Variants in GPD2 observed in about 807,000 individuals in gnomAD.
GPD2 encodes glycerol-3-phosphate dehydrogenase 2.
A neutral mutation model predicts 82.4 loss-of-function variants in GPD2; 54 were observed. The observed-to-expected ratio is 0.66, with a 90% CI of 0.53 to 0.82. GPD2 has a LOEUF of 0.82. Among genes scored for constraint, GPD2 ranks in the 40% least tolerant of loss-of-function variants. GPD2 has a pLI of 0.00. For synonymous variants in GPD2, 288 were observed against 306.1 expected (o/e 0.94, Z 0.62); for missense variants, 748 against 896.2 (o/e 0.83, Z 2.11).
chr2:156,495,085 C>T (rs1406174764), intron 2 of GPD2, among the ~76,000 whole-genome samples: 4 of 152,132 alleles, frequency 2.6e-5, no homozygotes, highest in African/African-American at 9.7e-5. Flanking sequence ...TGGCTCATGC[C>T]TGTAATCTCA....
chr2:156,493,312 G>T (rs1573926877), intron 2 of GPD2, among the ~76,000 whole-genome samples: 1 of 152,110 alleles, frequency 6.6e-6, no homozygotes, highest in Non-Finnish European at 1.5e-5. Flanking sequence ...GTAGTGGTTG[G>T]ATGTATGTGA....
intron 16 of GPD2, among the ~76,000 whole-genome samples, chr2:156,581,039 T>C (rs1688007239): frequency 1.3e-5 from 2 of 152,168 alleles, no homozygotes; most frequent in Admixed American, 6.6e-5. Flanking sequence ...ACATGGCACT[T>C]TAGAAACAAT....
At position 156,570,255 on chromosome 2, in the gene GPD2, A is replaced by G. The variant is rs528264496; in HGVS notation, c.1608+37A>G. Reference sequence around the variant, plus strand: ...GTCACATAGGAATTTCATGTCTGCCATGGGATACCATTTATCTGTTCATTT... The same window carrying G: ...GTCACATAGGAATTTCATGTCTGCCGTGGGATACCATTTATCTGTTCATTT... On this transcript the variant is annotated intron_variant, in intron 12 of 16. Transcript: ENST00000438166. 5.1e-6 allele frequency: 8 copies of G among 1,577,324 alleles called. No individual in the cohort carries two copies. In the South Asian group the frequency reaches 8.9e-5, roughly 17 times the overall value.
the GPD2 span, among the ~76,000 whole-genome samples, chr2:156,409,810 C>A: frequency 1.5e-4 from 23 of 152,102 alleles, no homozygotes; most frequent in Non-Finnish European, 3.1e-4. Flanking sequence ...CATCCTGGAC[C>A]AGGTATGGTG....
At chr2:156,411,740 T>C in the GPD2 span, among the ~76,000 whole-genome samples, 2 of 152,298 alleles carry the variant, frequency 1.3e-5, no homozygotes, top group African/African-American at 4.8e-5. Flanking sequence ...ACCTTAAGGG[T>C]CTTTAAACCT....
chr2:156,443,414 C>T (rs941838942), intron 1 of GPD2, among the ~76,000 whole-genome samples: 3 of 152,054 alleles, frequency 2.0e-5, no homozygotes, highest in African/African-American at 7.2e-5. Context: ...TAATGGTTGC[C>T]CCATAATTCA....
the GPD2 span, among the ~76,000 whole-genome samples, chr2:156,404,721 G>T: frequency 6.8e-6 from 1 of 147,500 alleles, no homozygotes; most frequent in South Asian, 2.2e-4. Flanking sequence ...GCTGGGCATG[G>T]TGGTGCGGCT....
At chr2:156,456,561 G>A (rs1398442972) in intron 1 of GPD2, among the ~76,000 whole-genome samples, 5 of 151,318 alleles carry the variant, frequency 3.3e-5, no homozygotes, top group African/African-American at 1.2e-4. Context: ...ACACCACTGC[G>A]CTCCAGCCTG....
chr2:156,456,172 C>G (rs1391502115), intron 1 of GPD2, among the ~76,000 whole-genome samples: 1 of 152,098 alleles, frequency 6.6e-6, no homozygotes, highest in African/African-American at 2.4e-5. Flanking sequence ...CAGTGGTACA[C>G]CAAAGAAATG....
the GPD2 span, among the ~76,000 whole-genome samples, chr2:156,420,036 C>A: frequency 2.0e-5 from 3 of 152,120 alleles, no homozygotes; most frequent in African/African-American, 7.2e-5. Context: ...CCTACTATAC[C>A]TATCTGAAAA....
intron 1 of GPD2, among the ~76,000 whole-genome samples, chr2:156,469,196 G>A (rs911505503): frequency 1.3e-5 from 2 of 152,160 alleles, no homozygotes; most frequent in South Asian, 4.1e-4. Flanking sequence ...CTCTCGCTCT[G>A]TCGCCCAGGC....
At chr2:156,534,474 T>C (rs559705684) in intron 6 of GPD2, among the ~76,000 whole-genome samples, 1 of 152,348 alleles carries the variant, frequency 6.6e-6, no homozygotes, top group African/African-American at 2.4e-5. Flanking sequence ...TGCCTTCTTC[T>C]ACCCAGTATT....
In GPD2 at chr2:156,585,760, G is replaced by A. The variant is rs1430179902; in HGVS notation, c.*2842G>A. The A allele has an allele frequency of 6.6e-6, 1 of 152,304 alleles. No individual in the cohort carries two copies. Among genetic ancestry groups the A allele is most frequent in the South Asian group, 2.1e-4 (1 of 4,818 alleles). 9.4% of individuals were successfully genotyped at this position (152,304 alleles called of 1,614,324 possible). On this transcript the variant is annotated 3_prime_UTR_variant, in exon 17 of 17. Coordinates refer to ENST00000438166, the MANE Select transcript of GPD2 (RefSeq NM_000408.5). Reference sequence around the variant, plus strand: ...TCTTATGTATCTGTAAAGATTTTTGGCATATGAATGTAATATTAAAGTCAA... The same window carrying A: ...TCTTATGTATCTGTAAAGATTTTTGACATATGAATGTAATATTAAAGTCAA...
the GPD2 span, among the ~76,000 whole-genome samples, chr2:156,400,835 T>C: frequency 6.6e-6 from 1 of 152,186 alleles, no homozygotes; most frequent in Non-Finnish European, 1.5e-5. Flanking sequence ...ATCCCCGGCA[T>C]CTCCAAATCA....
intron 6 of GPD2, among the ~76,000 whole-genome samples, chr2:156,545,135 C>T (rs1686481706): frequency 6.6e-6 from 1 of 152,220 alleles, no homozygotes; most frequent in Non-Finnish European, 1.5e-5. Flanking sequence ...TACACACACT[C>T]ATTCACACAC....
the GPD2 span, among the ~76,000 whole-genome samples, chr2:156,404,217 T>C: frequency 6.6e-6 from 1 of 151,358 alleles, no homozygotes; most frequent in African/African-American, 2.4e-5. Flanking sequence ...AAAATAAAAA[T>C]TAAAAATTAA....
At chr2:156,436,132 C>G (rs1170696318), upstream of GPD2, among the ~76,000 whole-genome samples, 4 of 152,238 alleles carry the variant, frequency 2.6e-5, no homozygotes, top group Non-Finnish European at 4.4e-5. Context: ...CGCTCGCCGC[C>G]CGCTGTTGGC....
intron 1 of GPD2, among the ~76,000 whole-genome samples, chr2:156,460,931 C>T (rs184514658): frequency 2.0e-4 from 31 of 152,162 alleles, no homozygotes; most frequent in African/African-American, 7.5e-4. Context: ...CTCTTTCCCC[C>T]TCTCCCATTG....
At chr2:156,493,985 A>T (rs538562766) in intron 2 of GPD2, among the ~76,000 whole-genome samples, 15 of 144,638 alleles carry the variant, frequency 1.0e-4, no homozygotes, top group Non-Finnish European at 2.1e-4. Flanking sequence ...ATTAGATGGA[A>T]GGCAAAGACC....
Sources: allele counts gnomAD v4.1 joint callset (sites outside exome capture counted in the v4.1 genomes callset), GRCh38; gene constraint gnomAD v4.1.1; transcripts MANE v1.5; gene names NCBI Gene and HGNC (gene_info 2026-07-23, HGNC 2026-07-21).